WASHC2A: variants seen among roughly 807,000 people sequenced by gnomAD.
WASHC2A encodes WASH complex subunit FAM21A.
In WASHC2A, 82 loss-of-function variants were observed where a neutral mutation model predicts 140.3. The observed-to-expected ratio is 0.58, with a 90% CI of 0.49 to 0.70. WASHC2A has a LOEUF of 0.70. Ranked by LOEUF, WASHC2A falls within the 30% of genes least tolerant of loss-of-function variation. WASHC2A has a pLI of 0.00. For synonymous variants in WASHC2A, 340 were observed against 560.8 expected (o/e 0.61, Z 5.56); for missense variants, 985 against 1,521.8 (o/e 0.65, Z 5.87).
intron 16 of WASHC2A, among the ~76,000 whole-genome samples, chr10:50,099,272 T>C (rs1284484863): frequency 1.7e-4 from 24 of 145,404 alleles, no homozygotes; most frequent in East Asian, 3.9e-4. Flanking sequence ...TCTTCTTCTT[T>C]TTTTTTTTTT....
intron 7 of WASHC2A, among the ~76,000 whole-genome samples, chr10:50,086,394 T>G (rs1328928175): frequency 1.3e-5 from 2 of 151,882 alleles, no homozygotes; most frequent in Non-Finnish European, 2.9e-5. Context: ...CAATAGTTGC[T>G]CGTAGCAACT....
intron 8 of WASHC2A, among the ~76,000 whole-genome samples, 188 bp downstream of exon 8, chr10:50,087,510 T>G (rs1277754547): frequency 6.6e-6 from 1 of 152,052 alleles, no homozygotes; most frequent in Non-Finnish European, 1.5e-5. Context: ...CCAATTTTGC[T>G]TTATAGTTTA....
chr10:50,126,135 C>T lies in WASHC2A; in HGVS notation c.2767C>T (p.Gln923Ter). 3 of 1,613,640 alleles carry T rather than the reference C, an allele frequency of 1.9e-6. No homozygotes were observed. The highest frequency in any genetic ancestry group is 2.5e-6 in the Non-Finnish European group (3 of 1,179,812). ...FKNQKHPESIQGSKEKGIWKP... is the reference protein window; with the variant it reads ...FKNQKHPESI ...AAACCAGAAACATCCTGAATCCATT[C>T]AAGGTAGTAAAGAAAAAGGCATATG... Residue 923 changes from glutamine (Q) to a stop codon, truncating the protein, a stop_gained, in exon 26 of 31, where the codon CAA becomes TAA. Coordinates refer to ENST00000282633, the MANE Select transcript of WASHC2A (RefSeq NM_001005751.3). LOFTEE classifies it high-confidence loss of function.
Position 50,068,130 on chromosome 10 carries a change from A to T in WASHC2A, c.29A>T (p.Glu10Val). 1 of 1,603,136 alleles carries T rather than the reference A, an allele frequency of 6.2e-7. No homozygotes were observed. Among genetic ancestry groups the T allele is most frequent in the Non-Finnish European group, 8.5e-7 (1 of 1,175,602 alleles). The part of the protein sequence containing the change: MMNRTTPDQ[E>V]LAPASEPVWE... ...ATGAACCGGACGACCCCCGACCAGGAGCTGGCGCCAGCGTCGGAGCCCGTG... is the reference window on the plus strand; with the variant it reads ...ATGAACCGGACGACCCCCGACCAGGTGCTGGCGCCAGCGTCGGAGCCCGTG... The change falls in exon 2 of 31, where the codon GAG becomes GTG. Residue 10 changes from glutamate (E) to valine (V), a missense_variant. Transcript: ENST00000282633.
At chr10:50,124,723 A>AG (rs1353964937) in intron 23 of WASHC2A, among the ~76,000 whole-genome samples, 6 of 151,404 alleles carry the variant, frequency 4.0e-5, no homozygotes, top group Non-Finnish European at 8.8e-5. Flanking sequence ...AATGAGATGA[A>AG]GAGAATTCAT....
chr10:50,068,538 G>A (rs1488507584), intron 2 of WASHC2A, among the ~76,000 whole-genome samples: 1 of 151,354 alleles, frequency 6.6e-6, no homozygotes, highest in Non-Finnish European at 1.5e-5. Context: ...ATTCCTGTTG[G>A]GACCTGGACT....
chr10:50,097,090 G>A (rs1414260270), intron 15 of WASHC2A, among the ~76,000 whole-genome samples: 4 of 131,094 alleles, frequency 3.1e-5, no homozygotes, highest in Non-Finnish European at 7.1e-5. Flanking sequence ...AAACACAAAT[G>A]GTAAGACATT....
chr10:50,132,046 CTCTG>C (rs1363402178), intron 30 of WASHC2A, among the ~76,000 whole-genome samples: 5 of 152,218 alleles, frequency 3.3e-5, no homozygotes, highest in Admixed American at 1.3e-4. Flanking sequence ...ACCTATTCTG[CTCTG>C]TCTTTTAGTT....
intron 28 of WASHC2A, among the ~76,000 whole-genome samples, chr10:50,128,180 C>T (rs1189281309): frequency 6.6e-6 from 1 of 151,408 alleles, no homozygotes; most frequent in Non-Finnish European, 1.5e-5. Context: ...GGTATGAAAC[C>T]CCTTTGCAAT....
rs888575938 is a variant in WASHC2A, at chr10:50,133,134, A to G, written c.*189A>G. Reference sequence around the variant, plus strand: ...GCTTAATACTACAAAACAAAAATAAATATTTCACAGTGGTTGGTTTGTTTT... The same window carrying G: ...GCTTAATACTACAAAACAAAAATAAGTATTTCACAGTGGTTGGTTTGTTTT... On this transcript the variant is annotated 3_prime_UTR_variant, in exon 31 of 31. Transcript: ENST00000282633. 3.9e-5 allele frequency: 34 copies of G among 872,944 alleles called. No homozygotes were observed. The highest frequency in any genetic ancestry group is 1.5e-4 in the African/African-American group (9 of 58,522). 54.1% of individuals were successfully genotyped at this position (872,944 alleles called of 1,614,324 possible). A position where few individuals can be genotyped will look rare whatever the true frequency, so the allele number is the denominator to read the frequency against.
Position 50,126,091 on chromosome 10 carries a change from ACT to A in WASHC2A, c.2726_2727del (p.Ser909CysfsTer2), listed in dbSNP as rs1843403550. 6.2e-7 allele frequency: 1 copy of A among 1,613,676 alleles called. No homozygotes were observed. Among genetic ancestry groups the A allele is most frequent in the Admixed American group, 1.7e-5 (1 of 59,976 alleles). On this transcript the variant is annotated frameshift_variant, in exon 26 of 31. Coordinates refer to ENST00000282633, the MANE Select transcript of WASHC2A (RefSeq NM_001005751.3). LOFTEE classifies it high-confidence loss of function. ...AAAAAGAGAGTAGTGAAAAAAGACC[ACT>A]CTGTTGACTCTTTCAAAAACCAGAA...
chr10:50,082,527 A>G (rs1839001929), intron 5 of WASHC2A, among the ~76,000 whole-genome samples: 2 of 147,254 alleles, frequency 1.4e-5, no homozygotes, highest in South Asian at 4.6e-4. Context: ...TTGTTGCCCA[A>G]GCTGGAGTGG....
intron 16 of WASHC2A, among the ~76,000 whole-genome samples, chr10:50,099,611 C>G (rs1271709661): frequency 3.5e-5 from 5 of 142,404 alleles, no homozygotes; most frequent in African/African-American, 1.4e-4. Context: ...ACAGTTTTGT[C>G]TCTTTGTGTC....
intron 18 of WASHC2A, among the ~76,000 whole-genome samples, chr10:50,104,984 A>T (rs2132775886): frequency 6.6e-6 from 1 of 151,038 alleles, no homozygotes; most frequent in African/African-American, 2.4e-5. Flanking sequence ...AAGATTTTTC[A>T]AATTGTTGCA....
In WASHC2A at chr10:50,110,378, A is replaced by G. The variant is rs1842179645; in HGVS notation, c.2039+108A>G. 7 of 1,447,734 alleles carry G rather than the reference A, an allele frequency of 4.8e-6. No homozygotes were observed. In the South Asian group the frequency reaches 8.3e-5, roughly 17 times the overall value. 89.7% of individuals were successfully genotyped at this position (1,447,734 alleles called of 1,614,324 possible). ...GGTGATTGCTAATCATGGATCACAT[A>G]GTGATTGTGCCAGTGAGAATGTCTT... On this transcript the variant is annotated intron_variant, in intron 20 of 30. Coordinates refer to ENST00000282633, the MANE Select transcript of WASHC2A (RefSeq NM_001005751.3).
At chr10:50,128,485 G>A (rs1843644971) in intron 28 of WASHC2A, among the ~76,000 whole-genome samples, 2 of 152,158 alleles carry the variant, frequency 1.3e-5, no homozygotes, top group South Asian at 4.1e-4. Flanking sequence ...CATTGTAGTT[G>A]GGTTTCTTGT....
At chr10:50,091,368 G>A (rs1460214667) in intron 9 of WASHC2A, 63 bp from the exon 10 acceptor site, 1 of 1,531,098 alleles carries the variant, frequency 6.5e-7, no homozygotes, top group East Asian at 2.5e-5. Flanking sequence ...GTTGTTAGGT[G>A]TCCAAAGTGA....
chr10:50,075,215 GTTTCATAAA>G (rs1264941081), intron 3 of WASHC2A, among the ~76,000 whole-genome samples: 1 of 151,120 alleles, frequency 6.6e-6, no homozygotes, highest in Non-Finnish European at 1.5e-5. Context: ...TTTATGAAAT[GTTTCATAAA>G]TTTCATAAAT....
intron 20 of WASHC2A, chr10:50,112,084 C>T (rs111359042): frequency 1.7e-5 from 17 of 985,106 alleles, no homozygotes; most frequent in Non-Finnish European, 1.9e-5. Context: ...AGTAGGGAGT[C>T]GAGGGCGGTC....
Sources: allele counts gnomAD v4.1 joint callset (sites outside exome capture counted in the v4.1 genomes callset), GRCh38; gene constraint gnomAD v4.1.1; transcripts MANE v1.5; gene names NCBI Gene and HGNC (gene_info 2026-07-23, HGNC 2026-07-21).